MYZAP: variants seen among roughly 807,000 people sequenced by gnomAD.
The protein encoded by MYZAP is GRINL1A complex locus upstream.
MYZAP carries 66 observed loss-of-function variants against 69.4 expected under a neutral mutation model. The observed-to-expected ratio is 0.95, with a 90% CI of 0.78 to 1.17. The LOEUF is 1.17. Ranked by LOEUF, MYZAP falls within the 50% of genes most tolerant of loss-of-function variation. MYZAP has a pLI of 0.00. For missense variants in MYZAP, 611 were observed against 556.2 expected (o/e 1.10, Z -0.99); for synonymous variants, 256 against 205.9 (o/e 1.24, Z -2.09).
At chr15:57,626,452 T>C (rs1163872418) in intron 5 of MYZAP, among the ~76,000 whole-genome samples, 1 of 152,226 alleles carries the variant, frequency 6.6e-6, no homozygotes, top group Non-Finnish European at 1.5e-5. Flanking sequence ...TTATCTCACT[T>C]TGAGGCATTG....
intron 2 of MYZAP, among the ~76,000 whole-genome samples, chr15:57,613,559 T>C (rs2035246931): frequency 6.6e-6 from 1 of 151,862 alleles, no homozygotes; most frequent in Admixed American, 6.6e-5. Flanking sequence ...TTTGCAGAGA[T>C]GGATTTTTAC....
In MYZAP at chr15:57,592,123, G is replaced by A. The variant is rs2033710770; in HGVS notation, c.75+14G>A. 2 of 1,304,554 alleles carry A rather than the reference G, an allele frequency of 1.5e-6. No individual in the cohort carries two copies. Among genetic ancestry groups the A allele is most frequent in the South Asian group, 4.3e-5 (2 of 46,174 alleles). 80.8% of individuals were successfully genotyped at this position (1,304,554 alleles called of 1,614,324 possible). A position where few individuals can be genotyped will look rare whatever the true frequency, so the allele number is the denominator to read the frequency against. On this transcript the variant is annotated intron_variant, in intron 1 of 12. Transcript: ENST00000267853. ...CCCAGCAGGAGGGTGAGTAGCGGGG[G>A]CGGGAGCCGCCGCCGTCCCGTTCCC...
chr15:57,621,986 C>T (rs956089772), intron 4 of MYZAP, among the ~76,000 whole-genome samples: 8 of 152,108 alleles, frequency 5.3e-5, no homozygotes, highest in African/African-American at 1.9e-4. Flanking sequence ...TCTTCACATA[C>T]TGGCCAAACA....
At chr15:57,623,120 G>A (rs1238065230) in intron 4 of MYZAP, among the ~76,000 whole-genome samples, 7 of 152,102 alleles carry the variant, frequency 4.6e-5, no homozygotes, top group East Asian at 1.9e-4. Flanking sequence ...AGATAAATGC[G>A]GGTTAAAACC....
At chr15:57,607,349 A>C (rs2034819364) in intron 2 of MYZAP, among the ~76,000 whole-genome samples, 1 of 152,176 alleles carries the variant, frequency 6.6e-6, no homozygotes. Flanking sequence ...AGTAATCCCA[A>C]GGAAGGAGCC....
In MYZAP at chr15:57,646,425, C is replaced by T. The variant is rs181591972; in HGVS notation, c.1119+6880C>T. On this transcript the variant is annotated intron_variant, in intron 10 of 12. Transcript: ENST00000267853. Reference sequence around the variant, plus strand: ...GCCTCAAACTGCAGAGTCAAGAGAACTCACAGATCCACAGAGTATTTTTAG... The same window carrying T: ...GCCTCAAACTGCAGAGTCAAGAGAATTCACAGATCCACAGAGTATTTTTAG... 3.1e-3 allele frequency: 3,317 copies of T among 1,065,802 alleles called. 4 individuals are homozygous for T. Among genetic ancestry groups the T allele is most frequent in the Non-Finnish European group, 3.4e-3 (2,989 of 876,922 alleles). The allele number at this position is 1,065,802 out of a possible 1,614,324, so 66.0% of individuals were successfully genotyped here. A position where few individuals can be genotyped will look rare whatever the true frequency, so the allele number is the denominator to read the frequency against.
chr15:57,618,255 G>A, intron 3 of MYZAP, 67 bp downstream of exon 3: 3 of 1,556,750 alleles, frequency 1.9e-6, no homozygotes, highest in South Asian at 1.3e-5. Context: ...GAATGGAGTT[G>A]GAAGCATTGA....
intron 4 of MYZAP, among the ~76,000 whole-genome samples, chr15:57,625,210 A>AT (rs2036058339): frequency 6.6e-6 from 1 of 152,096 alleles, no homozygotes; most frequent in Non-Finnish European, 1.5e-5. Flanking sequence ...CGAAGCTGGG[A>AT]TTACAAGCGT....
intron 11 of MYZAP, among the ~76,000 whole-genome samples, chr15:57,662,214 G>T (rs1005362807): frequency 6.6e-6 from 1 of 152,170 alleles, no homozygotes; most frequent in African/African-American, 2.4e-5. Flanking sequence ...AAATCTATTT[G>T]CTCTAAAGGT....
intron 10 of MYZAP, among the ~76,000 whole-genome samples, chr15:57,643,540 CAG>C (rs763334509): frequency 2.0e-4 from 30 of 152,186 alleles, no homozygotes; most frequent in Non-Finnish European, 3.4e-4. Flanking sequence ...CTTCAGTCCA[CAG>C]AGTCATTCAC....
At chr15:57,624,946 G>A (rs529320844) in intron 4 of MYZAP, among the ~76,000 whole-genome samples, 90 of 152,204 alleles carry the variant, frequency 5.9e-4, no homozygotes, top group African/African-American at 2.2e-3. Context: ...AGTCCTAACT[G>A]TATCTAGCCT....
intron 8 of MYZAP, among the ~76,000 whole-genome samples, chr15:57,635,890 C>G (rs949165388): frequency 3.9e-5 from 6 of 152,196 alleles, no homozygotes; most frequent in African/African-American, 1.2e-4. Flanking sequence ...CACTGTATTT[C>G]AAACACCTTT....
At chr15:57,626,244 T>G (rs1001889482) in intron 5 of MYZAP, among the ~76,000 whole-genome samples, 26 of 152,178 alleles carry the variant, frequency 1.7e-4, no homozygotes, top group African/African-American at 5.3e-4. Flanking sequence ...AAGTGCCACC[T>G]AATCACAGAA....
Position 57,680,046 on chromosome 15 carries a change from G to A in MYZAP, c.1305-4356G>A, listed in dbSNP as rs188730757. On this transcript the variant is annotated intron_variant, in intron 12 of 12. Transcript: ENST00000267853. Reference sequence around the variant, plus strand: ...CCCTCCTTGATTCTCATCTTGAAAAGGATGATTTTGGTGGCAATCCCTTTG... The same window carrying A: ...CCCTCCTTGATTCTCATCTTGAAAAAGATGATTTTGGTGGCAATCCCTTTG... Among the ~76,000 whole-genome samples the A allele has an allele frequency of 1.1e-4, 17 of 152,270 alleles. No homozygotes were observed. The East Asian group carries it at 3.1e-3, about 28-fold the overall frequency.
chr15:57,655,137 G>C (rs1449990293), intron 10 of MYZAP, among the ~76,000 whole-genome samples: 3 of 152,116 alleles, frequency 2.0e-5, no homozygotes, highest in Non-Finnish European at 2.9e-5. Context: ...CACAAAGGCA[G>C]CCTGGAGGAC....
chr15:57,617,922 A>C (rs2035574758), intron 2 of MYZAP, 111 bp from the exon 3 acceptor site: 2 of 1,393,190 alleles, frequency 1.4e-6, no homozygotes, highest in African/African-American at 1.5e-5. Flanking sequence ...ACTGCCAGGC[A>C]ATGAGTGCTG....
intron 10 of MYZAP, chr15:57,647,007 TG>T: frequency 1.0e-6 from 1 of 985,356 alleles, no homozygotes. Flanking sequence ...GTCATAGCAA[TG>T]GGTGGCATGA....
At chr15:57,671,320 ATT>A (rs1329894513) in intron 11 of MYZAP, among the ~76,000 whole-genome samples, 1 of 151,884 alleles carries the variant, frequency 6.6e-6, no homozygotes, top group African/African-American at 2.4e-5. Context: ...TGCTTTCAAG[ATT>A]TTTCTTCATT....
intron 2 of MYZAP, among the ~76,000 whole-genome samples, chr15:57,616,825 T>TTTTTTTTTTTTTTTTTTTTTTTG (rs2035492230): frequency 8.3e-6 from 1 of 120,250 alleles, no homozygotes; most frequent in Non-Finnish European, 1.8e-5. Flanking sequence ...AAAAGTGCTT[T>TTTTTTTTTTTTTTTTTTTTTTTG]TTTTTTTTTT....
Sources: gnomAD v4.1 joint callset for allele counts (sites outside exome capture counted in the v4.1 genomes callset) on GRCh38, gnomAD v4.1.1 for gene constraint, MANE v1.5 for transcripts, NCBI Gene and HGNC (gene_info 2026-07-23, HGNC 2026-07-21) for gene names.